The following TBC1D5 variants were observed in gnomAD, a reference collection of about 807,000 sequenced individuals.
The protein encoded by TBC1D5 is TBC1 domain family member 5.
In TBC1D5, 75 loss-of-function variants were observed where a neutral mutation model predicts 100.3. That is an observed-to-expected ratio of 0.75 (90% confidence interval 0.62 to 0.91). TBC1D5 has a LOEUF of 0.91. Among genes scored for constraint, TBC1D5 ranks in the 40% least tolerant of loss-of-function variants. TBC1D5 has a pLI of 0.00. For missense variants in TBC1D5, 910 were observed against 942.4 expected, an observed-to-expected ratio of 0.97 and a Z score of 0.45; for synonymous variants, 323 against 325.6, an observed-to-expected ratio of 0.99 and a Z score of 0.09.
At chr3:17,465,754 C>T (rs765069234) in intron 3 of TBC1D5, among the ~76,000 whole-genome samples, 2 of 152,174 alleles carry the variant, frequency 1.3e-5, no homozygotes, top group Admixed American at 6.5e-5. Flanking sequence ...TTATCACAAC[C>T]TGAGAAATAT....
upstream of TBC1D5, among the ~76,000 whole-genome samples, chr3:17,741,230 C>T (rs2077403322): frequency 6.6e-6 from 1 of 152,108 alleles, no homozygotes; most frequent in Non-Finnish European, 1.5e-5. Context: ...AATAAGAGCC[C>T]CAAGTGATTC....
chr3:17,529,506 G>T (rs937724749), intron 2 of TBC1D5, among the ~76,000 whole-genome samples: 5 of 152,006 alleles, frequency 3.3e-5, no homozygotes, highest in Non-Finnish European at 5.9e-5. Flanking sequence ...AAGGGTGGGG[G>T]GAAGAGGGTA....
chr3:17,352,698 A>AC (rs1324114224), intron 13 of TBC1D5, among the ~76,000 whole-genome samples: 102 of 150,086 alleles, frequency 6.8e-4, no homozygotes, highest in South Asian at 3.0e-3. Context: ...AAAAAAAAAA[A>AC]ACAAAAAAAC....
At chr3:17,418,167 T>C (rs942284842) in intron 4 of TBC1D5, among the ~76,000 whole-genome samples, 4 of 152,232 alleles carry the variant, frequency 2.6e-5, no homozygotes, top group Non-Finnish European at 4.4e-5. Flanking sequence ...TTATTTTTTA[T>C]TCCATAGCAG....
chr3:17,610,864 A>G (rs1352893362), intron 2 of TBC1D5, among the ~76,000 whole-genome samples: 2 of 152,086 alleles, frequency 1.3e-5, no homozygotes, highest in African/African-American at 4.8e-5. Context: ...TAAAAATACA[A>G]AAATTAGCTG....
At chr3:17,419,110 G>A (rs1165176766) in intron 4 of TBC1D5, among the ~76,000 whole-genome samples, 1 of 152,150 alleles carries the variant, frequency 6.6e-6, no homozygotes, top group Non-Finnish European at 1.5e-5. Context: ...ATACGCTGAA[G>A]AAATATTACA....
chr3:17,444,887 A>T (rs2094748783), intron 3 of TBC1D5, among the ~76,000 whole-genome samples: 1 of 152,322 alleles, frequency 6.6e-6, no homozygotes, highest in African/African-American at 2.4e-5. Context: ...ATAGCATTAC[A>T]GAGAAAAAGA....
chr3:17,661,282 G>A (rs1298796762), intron 1 of TBC1D5, among the ~76,000 whole-genome samples: 2 of 152,134 alleles, frequency 1.3e-5, no homozygotes, highest in East Asian at 3.9e-4. Context: ...CCAAAAGTGA[G>A]ACTTAATGGT....
chr3:17,182,396 TAATTA>T (rs565153262), intron 19 of TBC1D5, among the ~76,000 whole-genome samples: 2 of 152,260 alleles, frequency 1.3e-5, no homozygotes, highest in Non-Finnish European at 2.9e-5. Flanking sequence ...CTTTCCATTT[TAATTA>T]AAGTGTTTCC....
At chr3:17,191,106 A>G (rs2069825393) in intron 18 of TBC1D5, among the ~76,000 whole-genome samples, 1 of 152,222 alleles carries the variant, frequency 6.6e-6, no homozygotes, top group Non-Finnish European at 1.5e-5. Flanking sequence ...AGACTTTTTA[A>G]GAGTATTAAA....
chr3:17,430,151 C>CT (rs1315879311), intron 3 of TBC1D5, among the ~76,000 whole-genome samples: 2 of 151,594 alleles, frequency 1.3e-5, no homozygotes, highest in Non-Finnish European at 3.0e-5. Flanking sequence ...GAAAATTAGT[C>CT]TCTGTCTTGC....
At chr3:17,267,059 C>T (rs2078920899) in intron 15 of TBC1D5, among the ~76,000 whole-genome samples, 1 of 152,122 alleles carries the variant, frequency 6.6e-6, no homozygotes, top group Non-Finnish European at 1.5e-5. Flanking sequence ...CCCTGGCAAG[C>T]CGAGATCTCA....
chr3:17,372,303 G>A, intron 12 of TBC1D5, 56 bp from the exon 13 acceptor site: 1 of 1,432,506 alleles, frequency 7.0e-7, no homozygotes, highest in Admixed American at 2.1e-5. Context: ...ATAAATATAT[G>A]GATGTCATTC....
intron 18 of TBC1D5, among the ~76,000 whole-genome samples, chr3:17,186,710 C>CAAAAAAAAAAAAAAAAAAAAAAAA (rs58438478): frequency 2.2e-4 from 6 of 27,280 alleles, no homozygotes; most frequent in Admixed American, 8.7e-4. Flanking sequence ...ACTCTATCTC[C>CAAAAAAAAAAAAAAAAAAAAAAAA]AAAAAAAAAA....
At chr3:17,675,486 A>G (rs1410616253) in intron 1 of TBC1D5, among the ~76,000 whole-genome samples, 2 of 152,150 alleles carry the variant, frequency 1.3e-5, no homozygotes, top group Non-Finnish European at 2.9e-5. Context: ...ATACGTTCCT[A>G]AAGTGAGTAT....
At chr3:17,588,906 GAAACCT>G (rs1179263661) in intron 2 of TBC1D5, among the ~76,000 whole-genome samples, 1 of 152,148 alleles carries the variant, frequency 6.6e-6, no homozygotes, top group Non-Finnish European at 1.5e-5. Flanking sequence ...TAAGAGCTAA[GAAACCT>G]ACTAAAATAT....
At chr3:17,699,089 C>A (rs1401230273) in intron 1 of TBC1D5, among the ~76,000 whole-genome samples, 1 of 150,916 alleles carries the variant, frequency 6.6e-6, no homozygotes, top group East Asian at 1.9e-4. Context: ...AAGACACATG[C>A]CCACGTATGT....
intron 13 of TBC1D5, among the ~76,000 whole-genome samples, chr3:17,313,843 CA>C (rs2084339977): frequency 6.6e-6 from 1 of 152,148 alleles, no homozygotes; most frequent in Non-Finnish European, 1.5e-5. Context: ...GGGACATGGC[CA>C]AAATCCACAG....
intron 3 of TBC1D5, among the ~76,000 whole-genome samples, chr3:17,495,294 T>G (rs1376624323): frequency 6.6e-6 from 1 of 152,228 alleles, no homozygotes; most frequent in Non-Finnish European, 1.5e-5. Flanking sequence ...CTTTTTTATT[T>G]GTATTTTATG....
Sources: allele counts gnomAD v4.1 joint callset (sites outside exome capture counted in the v4.1 genomes callset), GRCh38; gene constraint gnomAD v4.1.1; transcripts MANE v1.5; gene names NCBI Gene and HGNC (gene_info 2026-07-23, HGNC 2026-07-21).